The following KIF14 variants were observed in gnomAD, a reference collection of about 807,000 sequenced individuals.
KIF14 encodes the protein kinesin family member 14, also known as kinesin-like protein KIF14.
KIF14 carries 98 observed loss-of-function variants against 176.2 expected under a neutral mutation model. The observed-to-expected ratio is 0.56, with a 90% CI of 0.47 to 0.66. The LOEUF (loss-of-function observed/expected upper bound fraction) is 0.66. KIF14 is among the 30% of genes least tolerant of loss of function. The probability of loss-of-function intolerance (pLI) is 0.00; values close to 1 mark genes in which losing one functional copy is unlikely to be tolerated. For missense variants in KIF14, 1,751 were observed against 1,920.4 expected, an observed-to-expected ratio of 0.91 and a Z score of 1.65; for synonymous variants, 566 against 632.2, an observed-to-expected ratio of 0.90 and a Z score of 1.57.
rs543880801 is a variant in KIF14, at chr1:200,563,983, C to T, written c.4071+1086G>A. Among the ~76,000 whole-genome samples, 24 of 152,150 alleles carry T rather than the reference C, an allele frequency of 1.6e-4. 1 individual carries two copies. Among genetic ancestry groups the T allele is most frequent in the South Asian group, 1.5e-3 (7 of 4,814 alleles). ...CCCTTAAAAGAAGGCAAACTTCAGC[C>T]GGGCGCAGTGGCTCATGCCTGTAAT... On this transcript the variant is annotated intron_variant, in intron 25 of 29. Coordinates refer to ENST00000367350, the MANE Select transcript of KIF14 (RefSeq NM_014875.3).
chr1:200,603,262 C>T lies in KIF14; in HGVS notation c.1943G>A (p.Ser648Asn). The T allele has an allele frequency of 5.6e-6, 9 of 1,607,840 alleles. No individual in the cohort carries two copies. The highest frequency in any genetic ancestry group is 1.3e-5 in the African/African-American group (1 of 74,934). ...AGATTCACGATAAGGAATAAAAACA[C>T]TCCTTTGGTTTGCTTGTTCCGAAAG... ...SALSEQANQR[S>N]VFIPYRESVL... Residue 648 changes from serine to asparagine, a missense_variant, in exon 10 of 30, where the codon AGT (serine) becomes AAT (asparagine). Transcript: ENST00000367350.
intron 8 of KIF14, among the ~76,000 whole-genome samples, chr1:200,605,073 T>C (rs555273691): frequency 2.5e-4 from 38 of 152,304 alleles, no homozygotes; most frequent in Non-Finnish European, 4.9e-4. Flanking sequence ...TATATGACTG[T>C]ACTTTTACCT....
chr1:200,565,517 G>A lies in KIF14; in HGVS notation c.3814C>T (p.Leu1272Phe), dbSNP rs762772540. The A allele has an allele frequency of 1.2e-6, 2 of 1,610,192 alleles. No homozygotes were observed. Among genetic ancestry groups the A allele is most frequent in the South Asian group, 1.1e-5 (1 of 89,808 alleles). Reference protein sequence around the residue: ...TIADSLINSFLKIYNGLFAIS... With the variant: ...TIADSLINSFFKIYNGLFAIS... The stretch of plus-strand genomic sequence containing the variant: ...GCAAATAGCCCATTATAAATTTTAA[G>A]AAAACTATTAATTAGGCTGTCTGCT... The change falls in exon 24 of 30, where the codon CTT (leucine) becomes TTT (phenylalanine). Residue 1272 changes from leucine (L) to phenylalanine (F), a missense_variant. Coordinates refer to ENST00000367350, the MANE Select transcript of KIF14 (RefSeq NM_014875.3).
chr1:200,603,598 A>G (rs1265582119), intron 9 of KIF14, among the ~76,000 whole-genome samples: 2 of 152,158 alleles, frequency 1.3e-5, no homozygotes, highest in Admixed American at 1.3e-4. Context: ...ACATGCCACA[A>G]TGCCTGTCTA....
chr1:200,587,285 C>G (rs1279988000), intron 18 of KIF14, among the ~76,000 whole-genome samples: 1 of 151,372 alleles, frequency 6.6e-6, no homozygotes. Flanking sequence ...GACTTCACCA[C>G]TATATAATTC....
chr1:200,614,025 A>G (rs1342747469), intron 4 of KIF14, among the ~76,000 whole-genome samples: 1 of 152,244 alleles, frequency 6.6e-6, no homozygotes, highest in Admixed American at 6.5e-5. Context: ...AAACACACGT[A>G]TAACAGCACA....
rs1658987782 is a variant in KIF14, at chr1:200,590,281, T to C, written c.2814-9A>G. ...TTATTTCTGCTTCAAGTCTACAATG[T>C]AGCAAGATGTTTATAGGGTACATGT... On this transcript the variant is annotated splice_polypyrimidine_tract_variant and intron_variant, in intron 16 of 29. Coordinates refer to ENST00000367350, the MANE Select transcript of KIF14 (RefSeq NM_014875.3). 1 of 1,609,102 alleles carries C rather than the reference T, an allele frequency of 6.2e-7. No individual in the cohort carries two copies. Among genetic ancestry groups the C allele is most frequent in the Middle Eastern group, 1.7e-4 (1 of 6,028 alleles).
rs201792546 is a variant in KIF14 at position 200,618,845 on chromosome 1, GA to G, written c.-115-8del. The G allele has an allele frequency of 1.5e-3, 976 of 644,314 alleles. No homozygotes were observed. Among genetic ancestry groups the G allele is most frequent in the South Asian group, 2.1e-3 (77 of 37,042 alleles). The allele number at this position is 644,314 out of a possible 1,614,324, so 39.9% of individuals were successfully genotyped here. On this transcript the variant is annotated splice_polypyrimidine_tract_variant and splice_region_variant and intron_variant, in intron 1 of 29. Coordinates refer to ENST00000367350, the MANE Select transcript of KIF14 (RefSeq NM_014875.3). The stretch of plus-strand genomic sequence containing the variant: ...TCTGAAAGTATCTGCTAAACTAAAA[GA>G]AAAAAAAAAGATTTAGATCACACAG...
At chr1:200,586,786 C>T (rs1018445180) in intron 18 of KIF14, among the ~76,000 whole-genome samples, 5 of 85,260 alleles carry the variant, frequency 5.9e-5, no homozygotes, top group African/African-American at 1.9e-4. Context: ...TATATATATA[C>T]ATACATATAT....
At chr1:200,574,083 T>C (rs1327005581) in intron 22 of KIF14, among the ~76,000 whole-genome samples, 1 of 152,148 alleles carries the variant, frequency 6.6e-6, no homozygotes, top group Non-Finnish European at 1.5e-5. Context: ...AAAATGAGGG[T>C]AATGACAATA....
At position 200,614,391 on chromosome 1, in the gene KIF14, C is replaced by G; in HGVS notation, c.1382G>C (p.Ser461Thr). ...SGKSYTMMGF[S>T]EEPGIIPRFC... is the part of the protein sequence containing the mutation. ...TCTTGGAATTATTCCTGGTTCTTCA[C>G]TAAATCCCATCATCCTGAAAAATAC... is the stretch of plus-strand genomic sequence containing the variant. The change falls in exon 4 of 30, where the codon AGT becomes ACT. Residue 461 changes from serine to threonine, a missense_variant. Coordinates refer to ENST00000367350, the MANE Select transcript of KIF14 (RefSeq NM_014875.3). 1.9e-6 allele frequency: 3 copies of G among 1,595,654 alleles called. No homozygotes were observed. The highest frequency in any genetic ancestry group is 4.5e-5 in the East Asian group (2 of 44,706).
At position 200,605,210 on chromosome 1, in the gene KIF14, T is replaced by A. The variant is rs187167569; in HGVS notation, c.1746+73A>T. On this transcript the variant is annotated intron_variant, in intron 8 of 29. Coordinates refer to ENST00000367350, the MANE Select transcript of KIF14 (RefSeq NM_014875.3). Reference sequence around the variant, plus strand: ...AAACTGAATGAGATCGGGAACTTTTTAAAAAAATACCTTGGTCTGGGTTAT... The same window carrying A: ...AAACTGAATGAGATCGGGAACTTTTAAAAAAAATACCTTGGTCTGGGTTAT... 1.2e-4 allele frequency: 168 copies of A among 1,416,048 alleles called. No homozygotes were observed. In the African/African-American group the frequency reaches 1.4e-3, roughly 11 times the overall value. 87.7% of individuals were successfully genotyped at this position (1,416,048 alleles called of 1,614,324 possible).
At chr1:200,618,864 TCA>T in intron 1 of KIF14, 26 bp from the exon 2 acceptor site, 6 of 657,022 alleles carry the variant, frequency 9.1e-6, no homozygotes, top group Non-Finnish European at 1.5e-5. Flanking sequence ...AAGATTTAGA[TCA>T]CACAGACTAC....
At chr1:200,608,628 G>T (rs1660003371) in intron 5 of KIF14, among the ~76,000 whole-genome samples, 1 of 152,128 alleles carries the variant, frequency 6.6e-6, no homozygotes, top group African/African-American at 2.4e-5. Flanking sequence ...CTCCCAAAGT[G>T]CTGGGATTAC....
At chr1:200,608,717 C>T (rs769179858) in intron 5 of KIF14, 113 bp downstream of exon 5, 1 of 648,918 alleles carries the variant, frequency 1.5e-6, no homozygotes, top group South Asian at 2.1e-5. Flanking sequence ...CAAGCATTTG[C>T]TTTCATATAA....
At chr1:200,617,552 G>A in intron 2 of KIF14, 60 bp downstream of exon 2, 2 of 1,482,326 alleles carry the variant, frequency 1.3e-6, no homozygotes, top group East Asian at 2.3e-5. Flanking sequence ...AAGGCAGAGA[G>A]GAATTAAAGG....
intron 27 of KIF14, among the ~76,000 whole-genome samples, chr1:200,557,176 G>T (rs1188333011): frequency 6.6e-6 from 1 of 151,998 alleles, no homozygotes; most frequent in Non-Finnish European, 1.5e-5. Context: ...GCTAATTTTT[G>T]TATTTTTAGT....
At chr1:200,567,416 GC>G (rs1056644177) in intron 23 of KIF14, among the ~76,000 whole-genome samples, 19 of 151,770 alleles carry the variant, frequency 1.3e-4, no homozygotes, top group Admixed American at 1.1e-3. Flanking sequence ...CTGGTGGCAG[GC>G]GCCTGTAGCC....
chr1:200,610,083 C>G (rs1413143541), intron 4 of KIF14, among the ~76,000 whole-genome samples: 1 of 152,106 alleles, frequency 6.6e-6, no homozygotes, highest in Non-Finnish European at 1.5e-5. Flanking sequence ...AGAGGGTCCC[C>G]TTTGATGGCA....
Sources: allele counts gnomAD v4.1 joint callset (sites outside exome capture counted in the v4.1 genomes callset), GRCh38; gene constraint gnomAD v4.1.1; transcripts MANE v1.5; gene names NCBI Gene and HGNC (gene_info 2026-07-23, HGNC 2026-07-21).